Variants in NCKAP5 observed in about 807,000 individuals in gnomAD.
NCKAP5 encodes the protein nck-associated protein 5.
Under a neutral mutation model 167.0 loss-of-function variants are expected in NCKAP5, and 92 were observed. The ratio of observed to expected loss-of-function variants is 0.55; its 90% CI spans 0.47 to 0.66. NCKAP5 has a LOEUF of 0.66. NCKAP5 is among the 30% of genes least tolerant of loss of function. The pLI, the probability that NCKAP5 is intolerant of heterozygous loss-of-function variation, is 0.00. For synonymous variants in NCKAP5, 891 were observed against 877.4 expected (o/e 1.02, Z -0.27); for missense variants, 2,378 against 2,315.0 (o/e 1.03, Z -0.56).
chr2:132,778,985 G>A (rs190152518), intron 15 of NCKAP5, among the ~76,000 whole-genome samples: 2 of 152,300 alleles, frequency 1.3e-5, no homozygotes, highest in East Asian at 3.9e-4. Flanking sequence ...TTAAAAAAAT[G>A]ACTAGCTGGT....
chr2:133,578,149 C>T, the NCKAP5 span, among the ~76,000 whole-genome samples: 1 of 152,202 alleles, frequency 6.6e-6, no homozygotes, highest in African/African-American at 2.4e-5. Context: ...TGGTCCCTCC[C>T]ATGTAAAGAT....
intron 10 of NCKAP5, among the ~76,000 whole-genome samples, chr2:132,865,186 A>G (rs762997576): frequency 1.8e-4 from 28 of 152,160 alleles, no homozygotes; most frequent in Non-Finnish European, 3.4e-4. Flanking sequence ...CCAGGGCTTC[A>G]ACATCGAATA....
At chr2:133,279,969 T>C (rs2089878124) in intron 4 of NCKAP5, among the ~76,000 whole-genome samples, 1 of 152,194 alleles carries the variant, frequency 6.6e-6, no homozygotes, top group African/African-American at 2.4e-5. Flanking sequence ...AAAAGGTTCA[T>C]TACTTCAATT....
At chr2:133,310,885 A>G (rs1422974403) in intron 3 of NCKAP5, among the ~76,000 whole-genome samples, 1 of 152,254 alleles carries the variant, frequency 6.6e-6, no homozygotes, top group African/African-American at 2.4e-5. Flanking sequence ...TCATGGAGAC[A>G]TTAGGCAGTC....
intron 3 of NCKAP5, among the ~76,000 whole-genome samples, chr2:133,463,688 T>A (rs1414634914): frequency 6.6e-6 from 1 of 152,250 alleles, no homozygotes; most frequent in Non-Finnish European, 1.5e-5. Flanking sequence ...CCATGTTTCC[T>A]ACTTTCTCTA....
intron 7 of NCKAP5, among the ~76,000 whole-genome samples, chr2:132,974,783 T>C (rs2076931677): frequency 1.3e-5 from 2 of 152,212 alleles, no homozygotes; most frequent in Admixed American, 1.3e-4. Context: ...ATCAGAAATG[T>C]CAGATCTGGC....
intron 3 of NCKAP5, among the ~76,000 whole-genome samples, chr2:133,373,369 T>C (rs1685930641): frequency 6.6e-6 from 1 of 152,094 alleles, no homozygotes; most frequent in South Asian, 2.1e-4. Flanking sequence ...AATATATATA[T>C]GTACTATCTA....
intron 4 of NCKAP5, among the ~76,000 whole-genome samples, chr2:133,297,291 G>A (rs1183333439): frequency 6.6e-6 from 1 of 151,826 alleles, no homozygotes; most frequent in East Asian, 1.9e-4. Context: ...TCTAGATTCT[G>A]ACTCCATTCT....
the NCKAP5 span, among the ~76,000 whole-genome samples, chr2:133,633,456 T>C: frequency 6.6e-6 from 1 of 151,980 alleles, no homozygotes; most frequent in Non-Finnish European, 1.5e-5. Flanking sequence ...GAAAAGAGAG[T>C]GTCTCGGAAG....
intron 6 of NCKAP5, among the ~76,000 whole-genome samples, chr2:133,085,826 A>T (rs1255580487): frequency 1.3e-5 from 2 of 152,162 alleles, no homozygotes; most frequent in African/African-American, 4.8e-5. Flanking sequence ...CACAGACCAC[A>T]GTGAAAACTA....
At chr2:133,307,413 G>A (rs1680857257) in intron 3 of NCKAP5, among the ~76,000 whole-genome samples, 2 of 152,008 alleles carry the variant, frequency 1.3e-5, no homozygotes, top group African/African-American at 4.8e-5. Flanking sequence ...AAATAAGGAC[G>A]TGATTATGTA....
intron 16 of NCKAP5, among the ~76,000 whole-genome samples, chr2:132,748,243 T>A (rs1463042058): frequency 6.6e-6 from 1 of 152,138 alleles, no homozygotes; most frequent in South Asian, 2.1e-4. Context: ...TCTCTATACC[T>A]CCAACCACCT....
At chr2:133,191,425 G>A (rs1163001763) in intron 5 of NCKAP5, among the ~76,000 whole-genome samples, 4 of 152,176 alleles carry the variant, frequency 2.6e-5, no homozygotes, top group African/African-American at 7.2e-5. Flanking sequence ...ATTACTGGGT[G>A]TATACCCAAA....
At chr2:133,256,245 T>G (rs2088612437) in intron 4 of NCKAP5, among the ~76,000 whole-genome samples, 1 of 152,164 alleles carries the variant, frequency 6.6e-6, no homozygotes, top group African/African-American at 2.4e-5. Flanking sequence ...ATATTATCAT[T>G]GAACAAATAG....
chr2:133,557,585 T>C (rs1687830799), intron 2 of NCKAP5, among the ~76,000 whole-genome samples: 1 of 152,226 alleles, frequency 6.6e-6, no homozygotes, highest in African/African-American at 2.4e-5. Context: ...CAGTCCCTTA[T>C]AAGATCATAC....
chr2:132,674,894 G>A (rs571400949), intron 19 of NCKAP5, among the ~76,000 whole-genome samples: 20 of 152,216 alleles, frequency 1.3e-4, no homozygotes, highest in African/African-American at 4.6e-4. Flanking sequence ...GAAACCAGAG[G>A]CGGGCTAAGG....
At chr2:133,608,852 G>T in the NCKAP5 span, among the ~76,000 whole-genome samples, 1 of 152,092 alleles carries the variant, frequency 6.6e-6, no homozygotes, top group African/African-American at 2.4e-5. Context: ...AACTCTACAT[G>T]GCACTCAAGA....
intron 2 of NCKAP5, among the ~76,000 whole-genome samples, chr2:133,555,409 C>T (rs901292508): frequency 2.6e-5 from 4 of 152,184 alleles, no homozygotes; most frequent in African/African-American, 9.6e-5. Context: ...TTCCCTGGAG[C>T]TCACTATATT....
At chr2:133,443,811 TTC>T (rs2151172604) in intron 3 of NCKAP5, among the ~76,000 whole-genome samples, 1 of 152,326 alleles carries the variant, frequency 6.6e-6, no homozygotes, top group Non-Finnish European at 1.5e-5. Context: ...TCTGTTTGCG[TTC>T]TCCTGGTGAT....
Sources: gnomAD v4.1 joint callset for allele counts (sites outside exome capture counted in the v4.1 genomes callset) on GRCh38, gnomAD v4.1.1 for gene constraint, MANE v1.5 for transcripts, NCBI Gene and HGNC (gene_info 2026-07-23, HGNC 2026-07-21) for gene names.